ABCC8: variants seen among roughly 807,000 people sequenced by gnomAD.
ABCC8 encodes the protein ATP binding cassette subfamily C member 8, also known as ATP-binding cassette sub-family C member 8.
In ABCC8, 137 loss-of-function variants were observed where a neutral mutation model predicts 188.0. That is an observed-to-expected ratio of 0.73 (90% confidence interval 0.63 to 0.84). The LOEUF is 0.84. Ranked by LOEUF, ABCC8 falls within the 40% of genes least tolerant of loss-of-function variation. ABCC8 has a pLI of 0.00. For missense variants in ABCC8, 1,750 were observed against 2,072.7 expected, an observed-to-expected ratio of 0.84 and a Z score of 3.02; for synonymous variants, 797 against 846.5, an observed-to-expected ratio of 0.94 and a Z score of 1.01.
At chr11:17,406,842 TC>T (rs1954554683) in intron 25 of ABCC8, 45 bp downstream of exon 25, 1 of 1,614,056 alleles carries the variant, frequency 6.2e-7, no homozygotes. Flanking sequence ...GCTCAGCCCT[TC>T]CCCCATCCCC....
At position 17,397,064 on chromosome 11, in the gene ABCC8, C is replaced by T. The variant is rs2133407634; in HGVS notation, c.3989-18G>A. ...CGATGGTGCTGGGGGCCGGGCTGGG[C>T]TCAGCCACCAGGCATGGGCCACAGC... On this transcript the variant is annotated intron_variant, in intron 32 of 38. Coordinates refer to ENST00000389817, the MANE Select transcript of ABCC8 (RefSeq NM_000352.6). 1 of 1,614,122 alleles carries T rather than the reference C, an allele frequency of 6.2e-7. No homozygotes were observed. Among genetic ancestry groups the T allele is most frequent in the South Asian group, 1.1e-5 (1 of 91,086 alleles).
chr11:17,420,110 A>G (rs1941879767), intron 16 of ABCC8, among the ~76,000 whole-genome samples: 1 of 152,184 alleles, frequency 6.6e-6, no homozygotes, highest in South Asian at 2.1e-4. Context: ...GCAATAAATA[A>G]AAAGGGAAGA....
rs777093516 is a variant in ABCC8 at position 17,476,613 on chromosome 11, C to A, written c.148+16G>T. On this transcript the variant is annotated intron_variant, in intron 1 of 38. Transcript: ENST00000389817. ...CTCTCCCGTCCCCTCCTCCGCGGCT[C>A]GCTGCGCGCACTCACCAATGAAGAG... 17 of 1,609,330 alleles carry A rather than the reference C, an allele frequency of 1.1e-5. No homozygotes were observed. Among genetic ancestry groups the A allele is most frequent in the Non-Finnish European group, 1.4e-5 (17 of 1,178,026 alleles).
At position 17,399,291 on chromosome 11, in the gene ABCC8, A is replaced by AC. The variant is rs1564881849; in HGVS notation, c.3651-851_3651-850insG. On this transcript the variant is annotated intron_variant, in intron 29 of 38. Transcript: ENST00000389817. ...ACTCTGCCTCAAAAAAAAAAAAAAA[A>AC]AAAAAAAAAAAAACAAATAAAAAAG... 1.3e-3 allele frequency among the ~76,000 whole-genome samples: 190 copies of AC among 147,186 alleles called. 8 individuals carry two copies. The highest frequency in any genetic ancestry group is 4.7e-3 in the African/African-American group (180 of 37,968).
At position 17,398,582 on chromosome 11, in the gene ABCC8, T is replaced by C. The variant is rs1216975548; in HGVS notation, c.3651-141A>G. 6 of 1,494,400 alleles carry C rather than the reference T, an allele frequency of 4.0e-6. No individual in the cohort carries two copies. In the Admixed American group the frequency reaches 1.2e-4, roughly 30 times the overall value. 92.6% of individuals were successfully genotyped at this position (1,494,400 alleles called of 1,614,324 possible). On this transcript the variant is annotated intron_variant, in intron 29 of 38. Transcript: ENST00000389817. ...GTGGCCACTTCATGTAAGCTATCCC[T>C]CTCTGGAATGTCCACCCCACTCCTT...
intron 33 of ABCC8, 114 bp downstream of exon 33, chr11:17,396,802 A>T: frequency 7.5e-7 from 1 of 1,337,794 alleles, no homozygotes; most frequent in Non-Finnish European, 1.0e-6. Flanking sequence ...CTGAATAGTG[A>T]GAGGCCTCGG....
chr11:17,414,417 G>A, intron 19 of ABCC8, 95 bp downstream of exon 19: 1 of 1,519,172 alleles, frequency 6.6e-7, no homozygotes, highest in Non-Finnish European at 9.1e-7. Context: ...AGATGGCTGG[G>A]TGTGGGTGAT....
intron 16 of ABCC8, among the ~76,000 whole-genome samples, chr11:17,418,636 T>C (rs1450759193): frequency 6.6e-6 from 1 of 152,206 alleles, no homozygotes; most frequent in African/African-American, 2.4e-5. Flanking sequence ...TGGTTATTGA[T>C]GCATCTGTGG....
chr11:17,407,336 C>G lies in ABCC8; in HGVS notation c.2920+18G>C. 6.2e-6 allele frequency: 10 copies of G among 1,614,196 alleles called. No homozygotes were observed. Among genetic ancestry groups the G allele is most frequent in the Non-Finnish European group, 8.5e-6 (10 of 1,180,034 alleles). ...AGACCTCAGGCCATAATTTCACTCC[C>G]AGTCCCATTGCCTGTACCTTCCTCC... On this transcript the variant is annotated intron_variant, in intron 24 of 38. Transcript: ENST00000389817.
chr11:17,411,715 C>T (rs1954812869), intron 21 of ABCC8, among the ~76,000 whole-genome samples: 1 of 152,108 alleles, frequency 6.6e-6, no homozygotes, highest in African/African-American at 2.4e-5. Context: ...ATAGTTTATG[C>T]CGCACAGTTT....
At position 17,461,698 on chromosome 11, in the gene ABCC8, A is replaced by G. The variant is rs1267144258; in HGVS notation, c.707T>C (p.Phe236Ser). The G allele has an allele frequency of 1.2e-6, 2 of 1,614,174 alleles. No individual in the cohort carries two copies. The highest frequency in any genetic ancestry group is 1.7e-6 in the Non-Finnish European group (2 of 1,180,030). Residue 236 changes from phenylalanine (F) to serine (S), a missense_variant, in exon 5 of 39, where the codon TTC (phenylalanine) becomes TCC (serine). By Grantham distance (155) the Phe-to-Ser change is radical. Coordinates refer to ENST00000389817, the MANE Select transcript of ABCC8 (RefSeq NM_000352.6). ...GGGCTTCTTGTGGGCAGTCTTGATG[A>G]AGGCGTTCATCCACCAGTAGGTGCC... ...SKGTYWWMNA[F>S]IKTAHKKPID...
intron 7 of ABCC8, among the ~76,000 whole-genome samples, chr11:17,451,721 C>T (rs1049464392): frequency 6.6e-6 from 1 of 152,248 alleles, no homozygotes; most frequent in Admixed American, 6.5e-5. Flanking sequence ...ATTCCCAATG[C>T]CCATTCTCCT....
intron 27 of ABCC8, among the ~76,000 whole-genome samples, chr11:17,405,077 T>C (rs1466122636): frequency 1.3e-5 from 2 of 152,180 alleles, no homozygotes; most frequent in African/African-American, 4.8e-5. Flanking sequence ...GCTCTCCCTT[T>C]ATTATAGGCA....
intron 12 of ABCC8, chr11:17,430,099 G>A (rs114423267): frequency 0.011 from 1,738 of 155,690 alleles, 38 homozygotes; most frequent in African/African-American, 0.039. Flanking sequence ...CCTCCATAGA[G>A]GCATGACAGG....
intron 22 of ABCC8, 115 bp from the exon 23 acceptor site, chr11:17,408,632 T>C: frequency 1.4e-6 from 2 of 1,477,820 alleles, no homozygotes; most frequent in Admixed American, 2.1e-5. Flanking sequence ...TCACTACAAA[T>C]GGCCACCAGC....
At chr11:17,410,422 G>T in intron 22 of ABCC8, 94 bp downstream of exon 22, 1 of 1,411,310 alleles carries the variant, frequency 7.1e-7, no homozygotes, top group Non-Finnish European at 1.0e-6. Flanking sequence ...GCCCTCAGCA[G>T]TTGCTACCAA....
chr11:17,471,008 G>A (rs954115264), intron 2 of ABCC8, among the ~76,000 whole-genome samples: 5 of 152,210 alleles, frequency 3.3e-5, no homozygotes, highest in African/African-American at 1.2e-4. Flanking sequence ...AGCCTGGAAC[G>A]AAAGGCCCAG....
intron 26 of ABCC8, chr11:17,406,381 G>C: frequency 1.7e-6 from 1 of 576,314 alleles, no homozygotes; most frequent in South Asian, 2.1e-5. Context: ...TCACTTTAAA[G>C]GGCCATGGTA....
chr11:17,404,656 G>A lies in ABCC8; in HGVS notation c.3413C>T (p.Thr1138Met), dbSNP rs201351976. Residue 1138 changes from threonine (T) to methionine (M), a missense_variant, in exon 28 of 39, where the codon ACG (threonine) becomes ATG (methionine). Transcript: ENST00000389817. The surrounding 1 kb of genome is among the most constrained non-coding windows in gnomAD (Gnocchi z 4.7). The stretch of plus-strand genomic sequence containing the variant: ...GGTGGAGCGGCTCAGGCACTCCAGC[G>A]TGGATGGGATGTGCTGAGGGAGACG... Reference protein sequence around the residue: ...CNTIDQHIPSTLECLSRSTLL... With the variant: ...CNTIDQHIPSMLECLSRSTLL... The A allele has an allele frequency of 3.6e-5, 58 of 1,609,942 alleles. No individual in the cohort carries two copies. Among genetic ancestry groups the A allele is most frequent in the South Asian group, 4.4e-5 (4 of 90,506 alleles).
Sources: gnomAD v4.1 joint callset for allele counts (sites outside exome capture counted in the v4.1 genomes callset) on GRCh38, gnomAD v4.1.1 for gene constraint, Gnocchi (gnomAD v3.1) non-coding constraint, MANE v1.5 for transcripts, NCBI Gene and HGNC (gene_info 2026-07-23, HGNC 2026-07-21) for gene names.